SPHKAP: variants seen among roughly 807,000 people sequenced by gnomAD.
SPHKAP encodes the protein SPHK1 interactor, AKAP domain containing, also known as A-kinase anchor protein SPHKAP.
Under a neutral mutation model 137.5 loss-of-function variants are expected in SPHKAP, and 67 were observed. The observed-to-expected ratio is 0.49, with a 90% CI of 0.40 to 0.60. The LOEUF is 0.60. SPHKAP is among the 20% of genes least tolerant of loss of function. The pLI, the probability that SPHKAP is intolerant of heterozygous loss-of-function variation, is 0.00. For synonymous variants in SPHKAP, 813 were observed against 785.3 expected, an observed-to-expected ratio of 1.04 and a Z score of -0.59; for missense variants, 2,097 against 2,069.3, an observed-to-expected ratio of 1.01 and a Z score of -0.26.
chr2:227,991,375 G>A, intron 9 of SPHKAP, 49 bp from the exon 10 acceptor site: 13 of 1,612,676 alleles, frequency 8.1e-6, no homozygotes, highest in Non-Finnish European at 1.0e-5. Context: ...AGAAGAATAA[G>A]CTGTAAATGA....
intron 1 of SPHKAP, among the ~76,000 whole-genome samples, chr2:228,164,026 C>A (rs1188192923): frequency 6.6e-6 from 1 of 152,098 alleles, no homozygotes; most frequent in African/African-American, 2.4e-5. Context: ...AAGACCCACT[C>A]CCAGTGTGGG....
At chr2:228,151,473 G>T (rs1699928158) in intron 1 of SPHKAP, among the ~76,000 whole-genome samples, 1 of 152,074 alleles carries the variant, frequency 6.6e-6, no homozygotes, top group Non-Finnish European at 1.5e-5. Context: ...GGGTCAAATG[G>T]TATTTCTAGC....
intron 3 of SPHKAP, among the ~76,000 whole-genome samples, chr2:228,105,330 C>T (rs570762909): frequency 5.3e-5 from 8 of 152,148 alleles, no homozygotes; most frequent in South Asian, 4.1e-4. Context: ...CTACCACTTA[C>T]GTGAAGGACC....
intron 3 of SPHKAP, among the ~76,000 whole-genome samples, chr2:228,075,417 GCTT>G (rs1415433698): frequency 2.6e-5 from 4 of 151,496 alleles, no homozygotes; most frequent in Non-Finnish European, 5.9e-5. Flanking sequence ...CCAAAGGCTT[GCTT>G]CTTTTTTTTT....
At chr2:228,085,791 A>G (rs930725750) in intron 3 of SPHKAP, among the ~76,000 whole-genome samples, 2 of 152,212 alleles carry the variant, frequency 1.3e-5, no homozygotes, top group African/African-American at 4.8e-5. Flanking sequence ...TCCATGTATT[A>G]TAAGGAACCC....
chr2:228,170,517 T>C (rs1700551779), intron 1 of SPHKAP, among the ~76,000 whole-genome samples: 1 of 152,094 alleles, frequency 6.6e-6, no homozygotes, highest in African/African-American at 2.4e-5. Context: ...CACCCCAATA[T>C]TCAGCAACAA....
At chr2:228,101,078 A>G (rs947231346) in intron 3 of SPHKAP, among the ~76,000 whole-genome samples, 9 of 152,100 alleles carry the variant, frequency 5.9e-5, no homozygotes, top group Non-Finnish European at 1.2e-4. Flanking sequence ...TAAAATGTCT[A>G]TCTCTTGCCC....
intron 7 of SPHKAP, among the ~76,000 whole-genome samples, chr2:228,010,422 C>T (rs576078274): frequency 1.4e-3 from 212 of 152,246 alleles, no homozygotes; most frequent in South Asian, 8.3e-3. Flanking sequence ...GTCCCAGCTA[C>T]TCGGGAGGCT....
At chr2:228,069,908 C>T (rs937652130) in intron 3 of SPHKAP, among the ~76,000 whole-genome samples, 2 of 152,152 alleles carry the variant, frequency 1.3e-5, no homozygotes, top group Admixed American at 6.6e-5. Context: ...GTGGTGTTGC[C>T]AGGACAGAGT....
chr2:228,123,255 G>C (rs989098179), intron 2 of SPHKAP, among the ~76,000 whole-genome samples: 1 of 152,252 alleles, frequency 6.6e-6, no homozygotes, highest in Middle Eastern at 3.4e-3. Flanking sequence ...TTTCTTCAAT[G>C]CTTCTGATTA....
chr2:228,046,288 A>ATTATTTT (rs1184720741), intron 3 of SPHKAP, among the ~76,000 whole-genome samples: 1 of 58,650 alleles, frequency 1.7e-5, no homozygotes, highest in Non-Finnish European at 3.4e-5. Flanking sequence ...TACTGTTGTT[A>ATTATTTT]TTCTTTTTTT....
intron 1 of SPHKAP, among the ~76,000 whole-genome samples, chr2:228,165,068 T>G (rs759962942): frequency 3.9e-4 from 59 of 152,172 alleles, no homozygotes; most frequent in Non-Finnish European, 7.3e-4. Flanking sequence ...AATAAAAGTA[T>G]GAATGGATTC....
chr2:228,001,480 T>C (rs1382073384), intron 7 of SPHKAP, among the ~76,000 whole-genome samples: 2 of 143,670 alleles, frequency 1.4e-5, no homozygotes, highest in African/African-American at 5.1e-5. Context: ...TATAAAAATA[T>C]ATATACGTAT....
intron 3 of SPHKAP, among the ~76,000 whole-genome samples, chr2:228,062,714 T>C (rs1696694980): frequency 6.6e-6 from 1 of 152,212 alleles, no homozygotes; most frequent in African/African-American, 2.4e-5. Flanking sequence ...GCAAACTATG[T>C]CTGTATTTAA....
At chr2:228,164,221 T>C (rs1700355943) in intron 1 of SPHKAP, among the ~76,000 whole-genome samples, 2 of 152,166 alleles carry the variant, frequency 1.3e-5, no homozygotes, top group African/African-American at 2.4e-5. Context: ...ACCAGTGGTT[T>C]GCCAGGGCCT....
At chr2:228,071,087 C>T (rs771099769) in intron 3 of SPHKAP, among the ~76,000 whole-genome samples, 1 of 152,150 alleles carries the variant, frequency 6.6e-6, no homozygotes, top group Non-Finnish European at 1.5e-5. Context: ...TCTTGTACAA[C>T]CAAAAGACTG....
At chr2:228,032,281 A>T (rs1553615266) in intron 3 of SPHKAP, among the ~76,000 whole-genome samples, 1 of 152,242 alleles carries the variant, frequency 6.6e-6, no homozygotes, top group Non-Finnish European at 1.5e-5. Flanking sequence ...AAAGGGTATC[A>T]TTGATGGAAG....
rs895299342 is a variant in SPHKAP, at chr2:228,181,455, G to A, written c.32+112C>T. ...CAAGTGCAGTGACCCCTGTCTCCTC[G>A]CTGGGAGCCCCGTGCAAACCGAAGC... On this transcript the variant is annotated intron_variant, in intron 1 of 11. Coordinates refer to ENST00000392056, the MANE Select transcript of SPHKAP (RefSeq NM_001142644.2). This position sits in a 1 kb window ranked among gnomAD's most constrained non-coding sequence, Gnocchi z 4.3. 3.4e-6 allele frequency: 5 copies of A among 1,455,734 alleles called. No individual in the cohort carries two copies. Among genetic ancestry groups the A allele is most frequent in the South Asian group, 1.1e-5 (1 of 87,862 alleles). The allele number at this position is 1,455,734 out of a possible 1,614,324, so 90.2% of individuals were successfully genotyped here. A position where few individuals can be genotyped will look rare whatever the true frequency, so the allele number is the denominator to read the frequency against.
chr2:228,154,786 C>T (rs1480962883), intron 1 of SPHKAP, among the ~76,000 whole-genome samples: 1 of 147,038 alleles, frequency 6.8e-6, no homozygotes, highest in Non-Finnish European at 1.5e-5. Context: ...GTCTCTATCT[C>T]CTGACCTCGT....
Sources: gnomAD v4.1 joint callset for allele counts (sites outside exome capture counted in the v4.1 genomes callset) on GRCh38, gnomAD v4.1.1 for gene constraint, Gnocchi (gnomAD v3.1) non-coding constraint, MANE v1.5 for transcripts, NCBI Gene and HGNC (gene_info 2026-07-23, HGNC 2026-07-21) for gene names.